CCDC91: variants seen among roughly 807,000 people sequenced by gnomAD.
The protein encoded by CCDC91 is coiled-coil domain-containing protein 91.
CCDC91 carries 48 observed loss-of-function variants against 63.2 expected under a neutral mutation model. That is an observed-to-expected ratio of 0.76 (90% confidence interval 0.60 to 0.97). The LOEUF is 0.97. Ranked by LOEUF, CCDC91 falls within the 50% of genes least tolerant of loss-of-function variation. The pLI, the probability that CCDC91 is intolerant of heterozygous loss-of-function variation, is 0.00. For synonymous variants in CCDC91, 167 were observed against 165.8 expected (o/e 1.01, Z -0.06); for missense variants, 500 against 494.6 (o/e 1.01, Z -0.10).
At chr12:28,474,581 A>T (rs1233664559) in intron 11 of CCDC91, among the ~76,000 whole-genome samples, 1 of 152,090 alleles carries the variant, frequency 6.6e-6, no homozygotes. Context: ...TATTTACTAT[A>T]GATTTACTCA....
chr12:28,422,793 A>G (rs1348481806), intron 8 of CCDC91, among the ~76,000 whole-genome samples: 1 of 152,134 alleles, frequency 6.6e-6, no homozygotes, highest in Non-Finnish European at 1.5e-5. Context: ...TAGGAAAATC[A>G]TCATCCTCAC....
chr12:28,259,707 A>G (rs1400565768), intron 3 of CCDC91, among the ~76,000 whole-genome samples: 1 of 151,962 alleles, frequency 6.6e-6, no homozygotes, highest in Non-Finnish European at 1.5e-5. Context: ...TTTTAAATTT[A>G]TCTTAGTTTT....
intron 8 of CCDC91, among the ~76,000 whole-genome samples, chr12:28,441,745 ATC>A (rs1407008005): frequency 5.3e-5 from 8 of 150,164 alleles, no homozygotes; most frequent in East Asian, 1.9e-4. Context: ...TCATATATAT[ATC>A]TCATATATAT....
At position 28,452,547 on chromosome 12, in the gene CCDC91, G is replaced by A; in HGVS notation, c.994G>A (p.Ala332Thr). ...VEEERKNLEK[A>T]HAEERELWKT... Reference sequence around the variant, plus strand: ...AGAAGAAAGAAAAAATTTAGAAAAAGCGCATGCTGAAGAAAGGGAATTATG... The same window carrying A: ...AGAAGAAAGAAAAAATTTAGAAAAAACGCATGCTGAAGAAAGGGAATTATG... The change falls in exon 11 of 13, where the codon GCG becomes ACG. Residue 332 changes from alanine (A) to threonine (T), a missense_variant. Transcript: ENST00000536442. 6.3e-7 allele frequency: 1 copy of A among 1,590,588 alleles called. No homozygotes were observed. The highest frequency in any genetic ancestry group is 1.2e-5 in the South Asian group (1 of 86,694).
intron 7 of CCDC91, among the ~76,000 whole-genome samples, chr12:28,385,156 A>C (rs1398198235): frequency 6.6e-6 from 1 of 152,174 alleles, no homozygotes; most frequent in Non-Finnish European, 1.5e-5. Context: ...TAAACGATAG[A>C]AAAAAGATGT....
chr12:28,203,527 A>C (rs1942619786), intron 1 of CCDC91, among the ~76,000 whole-genome samples: 1 of 152,166 alleles, frequency 6.6e-6, no homozygotes, highest in African/African-American at 2.4e-5. Flanking sequence ...GATATGTAAA[A>C]ATTTCCCATA....
intron 12 of CCDC91, among the ~76,000 whole-genome samples, chr12:28,537,828 G>C (rs1439207509): frequency 6.6e-6 from 1 of 152,170 alleles, no homozygotes; most frequent in African/African-American, 2.4e-5. Context: ...CACTTTTAAG[G>C]AGCACTGTTG....
At chr12:28,496,943 C>CAT (rs140551640) in intron 12 of CCDC91, among the ~76,000 whole-genome samples, 2,760 of 138,020 alleles carry the variant, frequency 0.02, 58 homozygotes, top group African/African-American at 0.051. Context: ...TATATATATA[C>CAT]ATATATATAT....
At chr12:28,285,102 T>A (rs1449375686) in intron 3 of CCDC91, among the ~76,000 whole-genome samples, 2 of 152,162 alleles carry the variant, frequency 1.3e-5, no homozygotes, top group Non-Finnish European at 2.9e-5. Context: ...ACTTGATTTT[T>A]TTTAGAACTT....
intron 12 of CCDC91, among the ~76,000 whole-genome samples, chr12:28,526,741 T>G (rs1941297527): frequency 6.6e-6 from 1 of 152,072 alleles, no homozygotes; most frequent in Non-Finnish European, 1.5e-5. Flanking sequence ...GAACACCGAT[T>G]ATTCTTAGGT....
chr12:28,521,756 T>C (rs1024497691), intron 12 of CCDC91, among the ~76,000 whole-genome samples: 3 of 152,328 alleles, frequency 2.0e-5, no homozygotes, highest in Non-Finnish European at 2.9e-5. Context: ...CATCAATACC[T>C]AATTTACTAA....
chr12:28,310,912 G>A (rs1939255898), intron 6 of CCDC91, among the ~76,000 whole-genome samples: 1 of 151,904 alleles, frequency 6.6e-6, no homozygotes, highest in African/African-American at 2.4e-5. Flanking sequence ...TCATCTCAGT[G>A]TTACTATTGA....
intron 6 of CCDC91, among the ~76,000 whole-genome samples, chr12:28,327,728 A>G (rs1012894694): frequency 1.3e-5 from 2 of 152,140 alleles, no homozygotes; most frequent in African/African-American, 4.8e-5. Context: ...TTTACTCCGG[A>G]CAACGACGCC....
At chr12:28,461,263 G>A (rs191038095) in intron 11 of CCDC91, among the ~76,000 whole-genome samples, 13 of 152,070 alleles carry the variant, frequency 8.5e-5, no homozygotes, top group Admixed American at 4.6e-4. Context: ...AATGTGCATC[G>A]TTTTATCCAG....
At chr12:28,478,032 C>A (rs1951213468) in intron 11 of CCDC91, among the ~76,000 whole-genome samples, 1 of 152,114 alleles carries the variant, frequency 6.6e-6, no homozygotes, top group Non-Finnish European at 1.5e-5. Context: ...AATGGCCATA[C>A]TGCCCAAGGT....
intron 10 of CCDC91, among the ~76,000 whole-genome samples, chr12:28,451,366 G>A (rs1415769594): frequency 6.6e-6 from 1 of 151,594 alleles, no homozygotes; most frequent in African/African-American, 2.4e-5. Context: ...AGAAGATGGA[G>A]TCAACATATA....
At chr12:28,261,576 A>G (rs1398689735) in intron 3 of CCDC91, among the ~76,000 whole-genome samples, 1 of 151,986 alleles carries the variant, frequency 6.6e-6, no homozygotes, top group Non-Finnish European at 1.5e-5. Context: ...GTGGCTTTTG[A>G]GGAAATGATT....
At chr12:28,416,671 C>G (rs551169337) in intron 8 of CCDC91, among the ~76,000 whole-genome samples, 4 of 151,936 alleles carry the variant, frequency 2.6e-5, no homozygotes, top group African/African-American at 7.3e-5. Flanking sequence ...GGGATTTTGT[C>G]CAAACCTACT....
intron 6 of CCDC91, among the ~76,000 whole-genome samples, chr12:28,315,153 G>GTGTA (rs1555182099): frequency 3.7e-4 from 55 of 148,042 alleles, no homozygotes; most frequent in South Asian, 6.4e-4. Flanking sequence ...TGTGTCAGTT[G>GTGTA]TATATATATA....
Sources: allele counts gnomAD v4.1 joint callset (sites outside exome capture counted in the v4.1 genomes callset), GRCh38; gene constraint gnomAD v4.1.1; transcripts MANE v1.5; gene names NCBI Gene and HGNC (gene_info 2026-07-23, HGNC 2026-07-21).